The following ADAMTSL4 variants were observed in gnomAD, a reference collection of about 807,000 sequenced individuals.
ADAMTSL4 encodes the protein ADAMTS like 4.
ADAMTSL4 carries 97 observed loss-of-function variants against 122.8 expected under a neutral mutation model. The ratio of observed to expected loss-of-function variants is 0.79; its 90% CI spans 0.67 to 0.93. The LOEUF is 0.93. Ranked by LOEUF, ADAMTSL4 falls within the 40% of genes least tolerant of loss-of-function variation. ADAMTSL4 has a pLI of 0.00. For missense variants in ADAMTSL4, 1,408 were observed against 1,453.5 expected, an observed-to-expected ratio of 0.97 and a Z score of 0.51; for synonymous variants, 592 against 568.0, an observed-to-expected ratio of 1.04 and a Z score of -0.60.
rs1260772401 is a variant in ADAMTSL4, at chr1:150,549,793, G to C, written c.-158-29G>C. 6.5e-6 allele frequency: 1 copy of C among 154,462 alleles called. No homozygotes were observed. The highest frequency in any genetic ancestry group is 2.4e-5 in the African/African-American group (1 of 41,472). The allele number at this position is 154,462 out of a possible 1,614,324, so 9.6% of individuals were successfully genotyped here. On this transcript the variant is annotated intron_variant, in intron 1 of 18. Transcript: ENST00000271643. The surrounding 1 kb of genome is among the most constrained non-coding windows in gnomAD (Gnocchi z 5.0). ...GAAAACAGACCCATGACCTCCCCGC[G>C]CGGCCGGTGCCTCCTGCCCTCTCTC...
In ADAMTSL4 at chr1:150,553,600, A is replaced by G; in HGVS notation, c.609A>G (p.Pro203=). The change falls in exon 6 of 19, where the codon CCA becomes CCG. Residue 203 remains proline (P), a synonymous_variant. Transcript: ENST00000271643. ...CGTCCCCTACTCCAAGAGCAGAGCC[A>G]TTCTCCGCAAACGGCAGCCCCCAAA... ...AIPSPTPRAE[P]FSANGSPQTE... 1 of 1,613,772 alleles carries G rather than the reference A, an allele frequency of 6.2e-7. No individual in the cohort carries two copies. The highest frequency in any genetic ancestry group is 8.5e-7 in the Non-Finnish European group (1 of 1,179,904).
chr1:150,558,256 G>A (rs1672407201), intron 14 of ADAMTSL4, 107 bp downstream of exon 14: 17 of 1,569,976 alleles, frequency 1.1e-5, no homozygotes, highest in Non-Finnish European at 1.5e-5. Context: ...TTTACAAACA[G>A]GGTTTCATAT....
chr1:150,558,210 G>A, intron 14 of ADAMTSL4, 61 bp downstream of exon 14: 1 of 1,603,096 alleles, frequency 6.2e-7, no homozygotes, highest in Non-Finnish European at 8.5e-7. Flanking sequence ...AACAACAGCA[G>A]TGGTTTTTCA....
intron 14 of ADAMTSL4, 41 bp downstream of exon 14, chr1:150,558,190 G>A: frequency 6.2e-7 from 1 of 1,611,304 alleles, no homozygotes; most frequent in East Asian, 2.2e-5. Context: ...GAGGGGAATG[G>A]GCACAGGTGA....
chr1:150,555,495 C>G lies in ADAMTSL4; in HGVS notation c.1301C>G (p.Thr434Ser), dbSNP rs1380934079. Reference sequence around the variant, plus strand: ...GGCTTCCGCTTCTATGTCCGTCACACTGAAAAGGTCCAGGATGGGACCCTG... The same window carrying G: ...GGCTTCCGCTTCTATGTCCGTCACAGTGAAAAGGTCCAGGATGGGACCCTG... ...PRGFRFYVRH[T>S]EKVQDGTLCQ... is the part of the protein sequence containing the mutation. Residue 434 changes from threonine (T) to serine (S), a missense_variant, in exon 8 of 19, where the codon ACT (threonine) becomes AGT (serine). Transcript: ENST00000271643. 6.2e-7 allele frequency: 1 copy of G among 1,614,056 alleles called. No individual in the cohort carries two copies. Among genetic ancestry groups the G allele is most frequent in the African/African-American group, 1.3e-5 (1 of 74,932 alleles).
chr1:150,557,022 A>G lies in ADAMTSL4; in HGVS notation c.1833A>G (p.Pro611=). The change falls in exon 11 of 19, where the codon CCA becomes CCG. Residue 611 remains proline (P), a synonymous_variant. Transcript: ENST00000271643. ...SPPPILENPT[P]EPPVPQLQPE... is the part of the protein sequence containing the mutation. ...CTCCAATCCTTGAGAACCCCACCCCAGAGCCCCCTGTCCCCCAGCTTCAGC... is the reference window on the plus strand; with the variant it reads ...CTCCAATCCTTGAGAACCCCACCCCGGAGCCCCCTGTCCCCCAGCTTCAGC... 1 of 1,612,162 alleles carries G rather than the reference A, an allele frequency of 6.2e-7. No individual in the cohort carries two copies. Among genetic ancestry groups the G allele is most frequent in the Non-Finnish European group, 8.5e-7 (1 of 1,179,278 alleles).
At position 150,558,145 on chromosome 1, in the gene ADAMTSL4, G is replaced by A; in HGVS notation, c.2378G>A (p.Ser793Asn). ...CGHWEVGSPW[S>N]QCSVRCGRGQ... ...CATTGGGAAGTTGGCTCTCCTTGGA[G>A]CCAGGTGAGTTTGCCCAGGCAAGGA... Residue 793 changes from serine to asparagine, a missense_variant, in exon 14 of 19, where the codon AGC becomes AAC. Ser to Asn is a conservative substitution (Grantham distance 46, BLOSUM62 1). Transcript: ENST00000271643. 1 of 1,613,440 alleles carries A rather than the reference G, an allele frequency of 6.2e-7. No homozygotes were observed. Among genetic ancestry groups the A allele is most frequent in the Non-Finnish European group, 8.5e-7 (1 of 1,180,030 alleles).
intron 15 of ADAMTSL4, 54 bp from the exon 16 acceptor site, chr1:150,558,908 C>T: frequency 6.4e-7 from 1 of 1,556,866 alleles, no homozygotes; most frequent in Non-Finnish European, 8.7e-7. Flanking sequence ...CCCTACTGTC[C>T]CTTGTGCCAG....
At position 150,550,562 on chromosome 1, in the gene ADAMTSL4, G is replaced by A. The variant is rs748923694; in HGVS notation, c.-85+667G>A. ...GGCAGAGAGGGCATGAAGAGGGGTCGGCATCAGAGAAGGGGCAGGCAGTGA... is the reference window on the plus strand; with the variant it reads ...GGCAGAGAGGGCATGAAGAGGGGTCAGCATCAGAGAAGGGGCAGGCAGTGA... On this transcript the variant is annotated intron_variant, in intron 2 of 18. Coordinates refer to ENST00000271643, the MANE Select transcript of ADAMTSL4 (RefSeq NM_019032.6). 559 of 371,742 alleles carry A rather than the reference G, an allele frequency of 1.5e-3. 1 individual carries two copies. Among genetic ancestry groups the A allele is most frequent in the Non-Finnish European group, 2.7e-3 (503 of 187,404 alleles). 23.0% of individuals were successfully genotyped at this position (371,742 alleles called of 1,614,324 possible). A position where few individuals can be genotyped will look rare whatever the true frequency, so the allele number is the denominator to read the frequency against.
chr1:150,550,396 C>G (rs1671278568), intron 2 of ADAMTSL4: 1 of 442,416 alleles, frequency 2.3e-6, no homozygotes, highest in South Asian at 1.6e-5. Flanking sequence ...GGCCCGGGCC[C>G]CGGGAGCTCA....
In ADAMTSL4 at chr1:150,552,852, T is replaced by C. The variant is rs1398969140; in HGVS notation, c.79-46T>C. Reference sequence around the variant, plus strand: ...TGGTCTACATGGACACTCTGGACAGTTCCCTCTAATCCTTCCAATTCTGTC... The same window carrying C: ...TGGTCTACATGGACACTCTGGACAGCTCCCTCTAATCCTTCCAATTCTGTC... On this transcript the variant is annotated intron_variant, in intron 4 of 18. Coordinates refer to ENST00000271643, the MANE Select transcript of ADAMTSL4 (RefSeq NM_019032.6). This position sits in a 1 kb window ranked among gnomAD's most constrained non-coding sequence, Gnocchi z 4.0. 1.3e-6 allele frequency: 2 copies of C among 1,581,160 alleles called. No homozygotes were observed. Among genetic ancestry groups the C allele is most frequent in the East Asian group, 2.2e-5 (1 of 44,750 alleles).
rs765451550 is a variant in ADAMTSL4 at position 150,556,127 on chromosome 1, G to A, written c.1372-35G>A. On this transcript the variant is annotated intron_variant, in intron 8 of 18. Coordinates refer to ENST00000271643, the MANE Select transcript of ADAMTSL4 (RefSeq NM_019032.6). This position sits in a 1 kb window ranked among gnomAD's most constrained non-coding sequence, Gnocchi z 4.1. The stretch of plus-strand genomic sequence containing the variant: ...GGGTGGGGTTGAGGTGGTGTCTGGC[G>A]TTCTGTGGCCACTGCCTCACCTCAC... The A allele has an allele frequency of 5.1e-5, 82 of 1,611,452 alleles. No individual in the cohort carries two copies. Among genetic ancestry groups the A allele is most frequent in the East Asian group, 2.0e-4 (9 of 44,886 alleles).
chr1:150,559,225 G>GGGCACTTGGGATGCT lies in ADAMTSL4; in HGVS notation c.2764-52_2764-51insATGCTGGCACTTGGG, dbSNP rs1553914065. 1.2e-6 allele frequency: 2 copies of GGGCACTTGGGATGCT among 1,612,382 alleles called. No individual in the cohort carries two copies. The highest frequency in any genetic ancestry group is 2.7e-5 in the African/African-American group (2 of 74,856). On this transcript the variant is annotated intron_variant, in intron 16 of 18. Coordinates refer to ENST00000271643, the MANE Select transcript of ADAMTSL4 (RefSeq NM_019032.6). This position sits in a 1 kb window ranked among gnomAD's most constrained non-coding sequence, Gnocchi z 4.1. ...TGCCAGTCCCAGTGGGATTCCTTGTGGGCACTTGGGGTGCTCTCTGTCCTC... is the reference window on the plus strand; with the variant it reads ...TGCCAGTCCCAGTGGGATTCCTTGTGGGCACTTGGGATGCTGGCACTTGGGGTGCTCTCTGTCCTC...
rs1671808339 is a variant in ADAMTSL4, at chr1:150,554,546, C to T, written c.1234+79C>T. 3 of 1,587,506 alleles carry T rather than the reference C, an allele frequency of 1.9e-6. No individual in the cohort carries two copies. Among genetic ancestry groups the T allele is most frequent in the African/African-American group, 1.4e-5 (1 of 73,996 alleles). ...GGGAGAGGAGATACCTGCTTACTCC[C>T]AGCCCTGAATGACTTCCAGCCCCTC... is the stretch of plus-strand genomic sequence containing the variant. On this transcript the variant is annotated intron_variant, in intron 7 of 18. Transcript: ENST00000271643. This position sits in a 1 kb window ranked among gnomAD's most constrained non-coding sequence, Gnocchi z 4.0.
chr1:150,556,144 T>C lies in ADAMTSL4; in HGVS notation c.1372-18T>C. The C allele has an allele frequency of 6.2e-7, 1 of 1,613,526 alleles. No individual in the cohort carries two copies. The highest frequency in any genetic ancestry group is 1.3e-5 in the African/African-American group (1 of 75,040). On this transcript the variant is annotated intron_variant, in intron 8 of 18. Coordinates refer to ENST00000271643, the MANE Select transcript of ADAMTSL4 (RefSeq NM_019032.6). The surrounding 1 kb of genome is among the most constrained non-coding windows in gnomAD (Gnocchi z 4.1). ...TGTCTGGCGTTCTGTGGCCACTGCC[T>C]CACCTCACTCTCTCCAGAGCCCCGG... is the stretch of plus-strand genomic sequence containing the variant.
rs587612641 is a variant in ADAMTSL4, at chr1:150,556,616, C to A, written c.1577-5C>A. 1 of 1,614,008 alleles carries A rather than the reference C, an allele frequency of 6.2e-7. No individual in the cohort carries two copies. On this transcript the variant is annotated splice_polypyrimidine_tract_variant and splice_region_variant and intron_variant, in intron 9 of 18. Transcript: ENST00000271643. This position sits in a 1 kb window ranked among gnomAD's most constrained non-coding sequence, Gnocchi z 4.1. ...ATTTCCCGATCTCTCACCTCTGACC[C>A]GCAGCACTTCGTGGCCCTGGGGGCC... is the stretch of plus-strand genomic sequence containing the variant.
At position 150,556,928 on chromosome 1, in the gene ADAMTSL4, C is replaced by T. The variant is rs1331047800; in HGVS notation, c.1750-11C>T. 1.9e-6 allele frequency: 3 copies of T among 1,612,826 alleles called. No individual in the cohort carries two copies. In the East Asian group the frequency reaches 6.7e-5, roughly 36 times the overall value. ...CACCCCCACATATTCATTATCTTCT[C>T]TTCTCCCCAGATGATCTTTCAGGAG... On this transcript the variant is annotated splice_polypyrimidine_tract_variant and intron_variant, in intron 10 of 18. Coordinates refer to ENST00000271643, the MANE Select transcript of ADAMTSL4 (RefSeq NM_019032.6). This position sits in a 1 kb window ranked among gnomAD's most constrained non-coding sequence, Gnocchi z 4.1.
At position 150,555,844 on chromosome 1, in the gene ADAMTSL4, CAT is replaced by C. The variant is rs10602705; in HGVS notation, c.1371+280_1371+281del. 5.9e-3 allele frequency: 3,605 copies of C among 608,914 alleles called. 122 individuals carry two copies. In the African/African-American group the frequency reaches 0.06, roughly 10 times the overall value. 37.7% of individuals were successfully genotyped at this position (608,914 alleles called of 1,614,324 possible). A position where few individuals can be genotyped will look rare whatever the true frequency, so the allele number is the denominator to read the frequency against. On this transcript the variant is annotated intron_variant, in intron 8 of 18. Coordinates refer to ENST00000271643, the MANE Select transcript of ADAMTSL4 (RefSeq NM_019032.6). The stretch of plus-strand genomic sequence containing the variant: ...ACACGTATGCAGACACATGCACACA[CAT>C]GTAGACACACATGCATGAACACATG...
rs1672585910 is a variant in ADAMTSL4 at position 150,559,693 on chromosome 1, G to A, written c.2944-68G>A. On this transcript the variant is annotated intron_variant, in intron 17 of 18. Transcript: ENST00000271643. The surrounding 1 kb of genome is among the most constrained non-coding windows in gnomAD (Gnocchi z 4.1). Reference sequence around the variant, plus strand: ...ACCACCACCTTTTGGGGAGAGAGGTGGCAGCCAGGGGTTAAGGAGAATCCC... The same window carrying A: ...ACCACCACCTTTTGGGGAGAGAGGTAGCAGCCAGGGGTTAAGGAGAATCCC... 1.2e-6 allele frequency: 2 copies of A among 1,609,892 alleles called. No individual in the cohort carries two copies. Among genetic ancestry groups the A allele is most frequent in the African/African-American group, 1.3e-5 (1 of 74,866 alleles).
Sources: gnomAD v4.1 joint callset for allele counts on GRCh38, gnomAD v4.1.1 for gene constraint, Gnocchi (gnomAD v3.1) non-coding constraint, MANE v1.5 for transcripts, NCBI Gene and HGNC (gene_info 2026-07-23, HGNC 2026-07-21) for gene names.